Variants in SOX6 observed in about 807,000 individuals in gnomAD.
SOX6 encodes transcription factor SOX-6.
Under a neutral mutation model 97.8 loss-of-function variants are expected in SOX6, and 11 were observed. That is an observed-to-expected ratio of 0.11 (90% CI 0.07 to 0.19). SOX6 has a LOEUF of 0.19. Ranked by LOEUF, SOX6 falls within the 10% of genes least tolerant of loss-of-function variation. The pLI, the probability that SOX6 is intolerant of heterozygous loss-of-function variation, is 1.00. For synonymous variants in SOX6, 360 were observed against 371.4 expected (o/e 0.97, Z 0.35); for missense variants, 810 against 1,039.5 (o/e 0.78, Z 3.04).
chr11:16,061,403 A>T (rs1159291302), intron 9 of SOX6, among the ~76,000 whole-genome samples: 1 of 151,872 alleles, frequency 6.6e-6, no homozygotes, highest in Non-Finnish European at 1.5e-5. Flanking sequence ...TGACATAAAC[A>T]AATGGAAAAA....
intron 13 of SOX6, among the ~76,000 whole-genome samples, chr11:16,011,169 C>T (rs563639409): frequency 5.3e-5 from 8 of 151,994 alleles, no homozygotes; most frequent in South Asian, 2.1e-4. Context: ...AAATGCCATA[C>T]GAAAAGTCCA....
chr11:16,278,324 C>T (rs1321862147), intron 3 of SOX6, among the ~76,000 whole-genome samples: 1 of 152,068 alleles, frequency 6.6e-6, no homozygotes, highest in East Asian at 1.9e-4. Context: ...AAGTTAAAAA[C>T]AAATGTTTCA....
chr11:16,373,902 A>AG, intron 1 of SOX6, among the ~76,000 whole-genome samples: 1 of 101,358 alleles, frequency 9.9e-6, no homozygotes, highest in East Asian at 3.4e-4. Context: ...GGAGGGAGGA[A>AG]GGGAGGGAGA....
At chr11:16,233,462 T>C (rs983998343) in intron 4 of SOX6, among the ~76,000 whole-genome samples, 5 of 152,080 alleles carry the variant, frequency 3.3e-5, no homozygotes, top group Non-Finnish European at 7.4e-5. Context: ...AATAATAATA[T>C]CAATCACGTA....
intron 4 of SOX6, among the ~76,000 whole-genome samples, chr11:16,547,865 C>T (rs1006883503): frequency 2.0e-5 from 3 of 151,936 alleles, no homozygotes; most frequent in Admixed American, 2.0e-4. Flanking sequence ...ACATTCTATG[C>T]GTGTAACAAA....
intron 12 of SOX6, among the ~76,000 whole-genome samples, chr11:16,032,925 C>A (rs1855418409): frequency 6.6e-6 from 1 of 152,148 alleles, no homozygotes; most frequent in Admixed American, 6.5e-5. Context: ...TTTTTTTCCA[C>A]CAAGGGATTG....
chr11:16,663,650 G>A (rs1053054371), intron 3 of SOX6, among the ~76,000 whole-genome samples: 20 of 152,142 alleles, frequency 1.3e-4, no homozygotes, highest in African/African-American at 4.8e-4. Context: ...TACCAATCAT[G>A]AGAATTAAAA....
intron 2 of SOX6, among the ~76,000 whole-genome samples, chr11:16,733,110 C>G (rs541819290): frequency 6.6e-6 from 1 of 152,166 alleles, no homozygotes; most frequent in Non-Finnish European, 1.5e-5. Flanking sequence ...GAAATAGGAA[C>G]GCTTTTACAC....
intron 3 of SOX6, chr11:16,316,250 A>T (rs1008007440): frequency 2.0e-5 from 3 of 151,952 alleles, no homozygotes; most frequent in African/African-American, 7.2e-5. Context: ...TTAAGTTCAT[A>T]GTTTCAGTTT....
At chr11:16,375,701 T>C (rs1857623964) in intron 1 of SOX6, among the ~76,000 whole-genome samples, 4 of 152,122 alleles carry the variant, frequency 2.6e-5, no homozygotes, top group Admixed American at 2.0e-4. Flanking sequence ...CCCAAAGGAA[T>C]ATAAATCCTT....
rs1282427204 is a variant in SOX6 at position 15,971,053 on chromosome 11, G to A, written c.*1756C>T. The A allele has an allele frequency of 6.6e-6, 1 of 152,354 alleles. No homozygotes were observed. Among genetic ancestry groups the A allele is most frequent in the Non-Finnish European group, 1.5e-5 (1 of 68,050 alleles). The allele number at this position is 152,354 out of a possible 1,614,324, so 9.4% of individuals were successfully genotyped here. A position where few individuals can be genotyped will look rare whatever the true frequency, so the allele number is the denominator to read the frequency against. On this transcript the variant is annotated 3_prime_UTR_variant, in exon 16 of 16. Transcript: ENST00000683767. ...CTTCAAAGAAATCCTTGTGTGATAA[G>A]TGCAGTTCATTTTGTTCACACGTAG...
chr11:16,147,633 A>G (rs1850345991), intron 6 of SOX6, among the ~76,000 whole-genome samples: 3 of 152,280 alleles, frequency 2.0e-5, no homozygotes, highest in South Asian at 2.1e-4. Flanking sequence ...TTCCTTCCCC[A>G]TGTCCTGCTT....
At chr11:16,676,132 T>C (rs1035664685) in intron 3 of SOX6, among the ~76,000 whole-genome samples, 5 of 152,222 alleles carry the variant, frequency 3.3e-5, no homozygotes, top group Non-Finnish European at 5.9e-5. Context: ...TAATCTCAAC[T>C]GACCTATTTT....
At chr11:16,290,467 A>G (rs1312457089) in intron 3 of SOX6, among the ~76,000 whole-genome samples, 1 of 152,124 alleles carries the variant, frequency 6.6e-6, no homozygotes, top group Non-Finnish European at 1.5e-5. Context: ...AGAAAAAAAT[A>G]AAACCTGTAT....
intron 1 of SOX6, among the ~76,000 whole-genome samples, chr11:16,454,321 C>T (rs1859773939): frequency 6.6e-6 from 1 of 152,000 alleles, no homozygotes; most frequent in Non-Finnish European, 1.5e-5. Context: ...TTATATGACA[C>T]CTCATCAGTA....
intron 1 of SOX6, among the ~76,000 whole-genome samples, chr11:16,387,052 C>T (rs1858009140): frequency 6.6e-6 from 1 of 152,118 alleles, no homozygotes; most frequent in Admixed American, 6.6e-5. Flanking sequence ...CACAGATTAA[C>T]TTAACATGTA....
At chr11:16,021,113 T>A (rs1242214990) in intron 12 of SOX6, among the ~76,000 whole-genome samples, 1 of 152,176 alleles carries the variant, frequency 6.6e-6, no homozygotes, top group East Asian at 1.9e-4. Flanking sequence ...TGAGTTTAAC[T>A]TGGAATTTCT....
Position 16,186,879 on chromosome 11 carries a change from C to G in SOX6, c.612G>C (p.Gln204His). 6.2e-7 allele frequency: 1 copy of G among 1,613,864 alleles called. No individual in the cohort carries two copies. The highest frequency in any genetic ancestry group is 1.7e-4 in the Middle Eastern group (1 of 6,054). Residue 204 changes from glutamine (Q) to histidine (H), a missense_variant, in exon 5 of 16, where the codon CAG becomes CAC. Gln to His is a conservative substitution (Grantham distance 24). Transcript: ENST00000683767. The stretch of plus-strand genomic sequence containing the variant: ...TCTGTTCATCATGCGCTGCCAGTAG[C>G]TGCTCCCGTAAACTGATCAGCTGGG... ...MITQLISLREQLLAAHDEQKK... is the reference protein window; with the variant it reads ...MITQLISLREHLLAAHDEQKK...
At chr11:16,660,262 T>C (rs1012886100) in intron 3 of SOX6, among the ~76,000 whole-genome samples, 2 of 152,204 alleles carry the variant, frequency 1.3e-5, no homozygotes, top group Admixed American at 1.3e-4. Context: ...ATAAATTGTT[T>C]TCACTGCATC....
Sources: gnomAD v4.1 joint callset for allele counts (sites outside exome capture counted in the v4.1 genomes callset) on GRCh38, gnomAD v4.1.1 for gene constraint, MANE v1.5 for transcripts, NCBI Gene and HGNC (gene_info 2026-07-23, HGNC 2026-07-21) for gene names.